Variants in MACROH2A1 observed in about 807,000 individuals in gnomAD.
The protein encoded by MACROH2A1 is macroH2A.1 histone, also known as core histone macro-H2A.1.
In MACROH2A1, 2 loss-of-function variants were observed where a neutral mutation model predicts 31.6. That is an observed-to-expected ratio of 0.06 (90% CI 0.03 to 0.20). The LOEUF is 0.20. Among genes scored for constraint, MACROH2A1 ranks in the 10% least tolerant of loss-of-function variants. The pLI is 1.00. For missense variants in MACROH2A1, 230 were observed against 474.0 expected (o/e 0.49, Z 4.78); for synonymous variants, 169 against 189.6 (o/e 0.89, Z 0.89).
At chr5:135,360,039 G>T in intron 5 of MACROH2A1, 1 of 327,732 alleles carries the variant, frequency 3.1e-6, no homozygotes, top group Non-Finnish European at 4.7e-6. Context: ...CATCAGTACA[G>T]TCTGAAAACA....
At chr5:135,350,811 G>C (rs200351213) in intron 6 of MACROH2A1, 26 of 1,570,786 alleles carry the variant, frequency 1.7e-5, no homozygotes, top group Non-Finnish European at 5.3e-6. Flanking sequence ...GCAGCACCCG[G>C]CTAGGCATTA....
chr5:135,363,769 T>C (rs1400034535), intron 4 of MACROH2A1, among the ~76,000 whole-genome samples: 1 of 152,234 alleles, frequency 6.6e-6, no homozygotes, highest in Non-Finnish European at 1.5e-5. Context: ...TCCACAATGG[T>C]TGAACTAGTT....
intron 1 of MACROH2A1, among the ~76,000 whole-genome samples, chr5:135,394,922 C>T (rs576970774): frequency 3.3e-5 from 5 of 152,310 alleles, no homozygotes; most frequent in African/African-American, 1.2e-4. Flanking sequence ...CCAAAGCCCA[C>T]AGGACTGGGA....
At chr5:135,338,596 G>A (rs923216403) in intron 8 of MACROH2A1, among the ~76,000 whole-genome samples, 2 of 152,248 alleles carry the variant, frequency 1.3e-5, no homozygotes, top group African/African-American at 4.8e-5. Context: ...TGGGCATGCA[G>A]CAGCAGGGGC....
In MACROH2A1 at chr5:135,364,329, T is replaced by C. The variant is rs1410465373; in HGVS notation, c.478-3722A>G. 2.6e-5 allele frequency among the ~76,000 whole-genome samples: 4 copies of C among 152,248 alleles called. No individual in the cohort carries two copies. The South Asian group carries it at 8.3e-4, about 32-fold the overall frequency. On this transcript the variant is annotated intron_variant, in intron 4 of 8. Coordinates refer to ENST00000511689, the MANE Select transcript of MACROH2A1 (RefSeq NM_138610.3). ...GGGTGCAGCAAACCAACATGGCACATGTATACATACGTAACACACCTGCAC... is the reference window on the plus strand; with the variant it reads ...GGGTGCAGCAAACCAACATGGCACACGTATACATACGTAACACACCTGCAC...
At chr5:135,341,564 C>A (rs1334508464) in intron 8 of MACROH2A1, among the ~76,000 whole-genome samples, 1 of 152,200 alleles carries the variant, frequency 6.6e-6, no homozygotes, top group African/African-American at 2.4e-5. Flanking sequence ...CCATAGAAAG[C>A]CCTGGGGAAC....
At chr5:135,354,782 A>T in intron 5 of MACROH2A1, 1 of 332,540 alleles carries the variant, frequency 3.0e-6, no homozygotes, top group East Asian at 8.1e-5. Flanking sequence ...ATTTTACTCT[A>T]TTATTTAGTT....
chr5:135,388,797 T>C, intron 2 of MACROH2A1, 125 bp downstream of exon 2: 1 of 758,198 alleles, frequency 1.3e-6, no homozygotes, highest in Non-Finnish European at 2.1e-6. Context: ...CCTTGTACTC[T>C]TCTTGTAACT....
Position 135,377,439 on chromosome 5 carries a change from A to G in MACROH2A1, c.173-7297T>C, listed in dbSNP as rs1581294618. Among the ~76,000 whole-genome samples, 5 of 152,376 alleles carry G rather than the reference A, an allele frequency of 3.3e-5. No homozygotes were observed. In the South Asian group the frequency reaches 8.3e-4, roughly 25 times the overall value. On this transcript the variant is annotated intron_variant, in intron 2 of 8. Coordinates refer to ENST00000511689, the MANE Select transcript of MACROH2A1 (RefSeq NM_138610.3). ...GCTGAAATGAAATGATTTGAAGAGT[A>G]TAATGTAAAGAGGAAACTCATTTAA... is the stretch of plus-strand genomic sequence containing the variant.
chr5:135,355,372 G>A (rs1762058672), intron 5 of MACROH2A1: 2 of 395,760 alleles, frequency 5.1e-6, no homozygotes, highest in Non-Finnish European at 1.0e-5. Context: ...ACTCAGCATT[G>A]AGGATTTCCT....
intron 2 of MACROH2A1, among the ~76,000 whole-genome samples, chr5:135,387,121 T>G (rs1766523463): frequency 6.6e-6 from 1 of 152,216 alleles, no homozygotes. Context: ...AAATGTCTTC[T>G]GTTTCCTATC....
intron 2 of MACROH2A1, among the ~76,000 whole-genome samples, chr5:135,377,642 G>A (rs1163924132): frequency 6.6e-6 from 1 of 152,148 alleles, no homozygotes. Context: ...TCAGGGACTT[G>A]GTCAGAGGGA....
intron 5 of MACROH2A1, chr5:135,355,945 A>G (rs553297324): frequency 6.6e-6 from 1 of 152,306 alleles, no homozygotes; most frequent in East Asian, 1.9e-4. Context: ...CATGGCAGAG[A>G]AGTGGTCCTT....
intron 5 of MACROH2A1, chr5:135,359,222 G>T (rs1762543690): frequency 1.0e-6 from 1 of 985,432 alleles, no homozygotes; most frequent in Non-Finnish European, 1.2e-6. Flanking sequence ...GGAAAAGAGG[G>T]AGAAGGTGAC....
At chr5:135,350,607 T>C (rs1185334810) in intron 6 of MACROH2A1, 5 of 478,274 alleles carry the variant, frequency 1.0e-5, no homozygotes, top group African/African-American at 3.9e-5. Context: ...AAACCAGAAA[T>C]GTCCATTTGT....
At chr5:135,366,598 A>G (rs969985128) in intron 4 of MACROH2A1, among the ~76,000 whole-genome samples, 1 of 151,364 alleles carries the variant, frequency 6.6e-6, no homozygotes, top group Non-Finnish European at 1.5e-5. Context: ...AAAAAAAAAG[A>G]GCAAGTAGGA....
Position 135,370,022 on chromosome 5 carries a change from G to C in MACROH2A1, c.279+14C>G. ...CCTGCTCAAACATCAGTGGGAGATG[G>C]GAGAGGCCCATACCTGATTCAGCTC... is the stretch of plus-strand genomic sequence containing the variant. On this transcript the variant is annotated intron_variant, in intron 3 of 8. Coordinates refer to ENST00000511689, the MANE Select transcript of MACROH2A1 (RefSeq NM_138610.3). 6.5e-7 allele frequency: 1 copy of C among 1,528,206 alleles called. No individual in the cohort carries two copies. The highest frequency in any genetic ancestry group is 9.1e-7 in the Non-Finnish European group (1 of 1,102,442). The allele number at this position is 1,528,206 out of a possible 1,614,324, so 94.7% of individuals were successfully genotyped here.
intron 2 of MACROH2A1, among the ~76,000 whole-genome samples, chr5:135,382,284 C>A (rs1213087784): frequency 2.6e-5 from 4 of 152,130 alleles, no homozygotes; most frequent in African/African-American, 9.7e-5. Flanking sequence ...ATCTGCAGAC[C>A]CTGATGGTAA....
chr5:135,393,698 T>C (rs914265255), intron 1 of MACROH2A1, among the ~76,000 whole-genome samples: 2 of 152,344 alleles, frequency 1.3e-5, no homozygotes, highest in Non-Finnish European at 2.9e-5. Flanking sequence ...AAAACAATGA[T>C]AGGTCCTCAG....
Sources: gnomAD v4.1 joint callset for allele counts (sites outside exome capture counted in the v4.1 genomes callset) on GRCh38, gnomAD v4.1.1 for gene constraint, MANE v1.5 for transcripts, NCBI Gene and HGNC (gene_info 2026-07-23, HGNC 2026-07-21) for gene names.